Variants in FSIP1 observed in about 807,000 individuals in gnomAD.
FSIP1 encodes the protein fibrous sheath-interacting protein 1.
FSIP1 carries 65 observed loss-of-function variants against 60.9 expected under a neutral mutation model. The observed-to-expected ratio is 1.07, with a 90% CI of 0.87 to 1.31. The LOEUF (loss-of-function observed/expected upper bound fraction) is 1.31, where lower values mean the gene tolerates loss of function less well. Ranked by LOEUF, FSIP1 falls within the 40% of genes most tolerant of loss-of-function variation. FSIP1 has a pLI of 0.00. For synonymous variants in FSIP1, 209 were observed against 221.2 expected (o/e 0.94, Z 0.49); for missense variants, 675 against 665.5 (o/e 1.01, Z -0.16).
chr15:39,650,283 G>A (rs1892811818), intron 10 of FSIP1, among the ~76,000 whole-genome samples: 2 of 152,144 alleles, frequency 1.3e-5, no homozygotes, highest in Admixed American at 6.5e-5. Context: ...CAGTATAATT[G>A]CTGAAATCCC....
rs760012860 is a variant in FSIP1 at position 39,618,191 on chromosome 15, A to T, written c.1243T>A (p.Cys415Ser). 1.9e-6 allele frequency: 3 copies of T among 1,613,568 alleles called. No individual in the cohort carries two copies. In the African/African-American group the frequency reaches 4.0e-5, roughly 22 times the overall value. ...EEQLKCLLDE[C>S]ILKQKSIIKL... ...ATGATGGATTTTTGTTTAAGTATGCATTCATCCAGAAGACACTTTAACTGT... is the reference window on the plus strand; with the variant it reads ...ATGATGGATTTTTGTTTAAGTATGCTTTCATCCAGAAGACACTTTAACTGT... The change falls in exon 11 of 12, where the codon TGC becomes AGC. Residue 415 changes from cysteine to serine, a missense_variant. Coordinates refer to ENST00000350221, the MANE Select transcript of FSIP1 (RefSeq NM_152597.5).
intron 1 of FSIP1, among the ~76,000 whole-genome samples, chr15:39,780,100 A>G (rs1898198226): frequency 2.0e-5 from 3 of 152,344 alleles, no homozygotes; most frequent in Middle Eastern, 3.4e-3. Flanking sequence ...AATTAGTGTT[A>G]ATAGAGACTT....
intron 9 of FSIP1, among the ~76,000 whole-genome samples, chr15:39,721,464 T>C (rs1895976696): frequency 6.6e-6 from 1 of 152,242 alleles, no homozygotes; most frequent in Non-Finnish European, 1.5e-5. Context: ...TGGTGGTTCT[T>C]GTTTCATTGC....
At chr15:39,677,596 A>T (rs75408761) in intron 10 of FSIP1, among the ~76,000 whole-genome samples, 2,471 of 152,346 alleles carry the variant, frequency 0.016, 57 homozygotes, top group African/African-American at 0.056. Flanking sequence ...ACACAAAGAC[A>T]CATATACAGG....
chr15:39,600,724 T>C lies in FSIP1; in HGVS notation c.*156A>G, dbSNP rs1280561054. On this transcript the variant is annotated 3_prime_UTR_variant, in exon 12 of 12. Coordinates refer to ENST00000350221, the MANE Select transcript of FSIP1 (RefSeq NM_152597.5). ...ACAATTACACCCCAAGTCTCAAAAA[T>C]ATCAAGGAAATATAATCCACAAAGA... 3 of 563,118 alleles carry C rather than the reference T, an allele frequency of 5.3e-6. No individual in the cohort carries two copies. The highest frequency in any genetic ancestry group is 9.2e-6 in the Non-Finnish European group (3 of 325,526). 34.9% of individuals were successfully genotyped at this position (563,118 alleles called of 1,614,324 possible).
chr15:39,666,582 C>T (rs561074536), intron 10 of FSIP1, among the ~76,000 whole-genome samples: 1 of 152,100 alleles, frequency 6.6e-6, no homozygotes, highest in Non-Finnish European at 1.5e-5. Context: ...ACAAAATAAC[C>T]AGTTAAATCA....
chr15:39,603,179 A>G (rs1438548601), intron 11 of FSIP1, among the ~76,000 whole-genome samples: 1 of 152,246 alleles, frequency 6.6e-6, no homozygotes, highest in African/African-American at 2.4e-5. Flanking sequence ...AATACACAGG[A>G]GAATCTCATG....
intron 9 of FSIP1, among the ~76,000 whole-genome samples, chr15:39,719,230 G>A (rs1020281668): frequency 6.6e-6 from 1 of 152,176 alleles, no homozygotes; most frequent in African/African-American, 2.4e-5. Context: ...AGTACTATCT[G>A]TCCTCGTGAT....
At chr15:39,703,530 T>C (rs1202872928) in intron 10 of FSIP1, among the ~76,000 whole-genome samples, 2 of 152,214 alleles carry the variant, frequency 1.3e-5, no homozygotes, top group Non-Finnish European at 2.9e-5. Flanking sequence ...ATTTATAAAT[T>C]GATTATAAAT....
chr15:39,767,456 T>C lies in FSIP1; in HGVS notation c.311-1710A>G, dbSNP rs115328331. On this transcript the variant is annotated intron_variant, in intron 3 of 11. Transcript: ENST00000350221. ...AGGAAGGGGACAGGGAAGTGCTGGG[T>C]AGAGAAAGGTAGAGTCCCTGGCGAG... Among the ~76,000 whole-genome samples the C allele has an allele frequency of 5.0e-3, 761 of 152,220 alleles. 7 individuals are homozygous for C. Among genetic ancestry groups the C allele is most frequent in the African/African-American group, 0.018 (737 of 41,536 alleles).
At chr15:39,741,706 T>C in intron 6 of FSIP1, 99 bp downstream of exon 6, 1 of 649,212 alleles carries the variant, frequency 1.5e-6, no homozygotes. Flanking sequence ...CACTTACCTT[T>C]GGATTAAATT....
intron 11 of FSIP1, among the ~76,000 whole-genome samples, chr15:39,606,961 G>C (rs1265033581): frequency 6.6e-6 from 1 of 151,996 alleles, no homozygotes; most frequent in African/African-American, 2.4e-5. Flanking sequence ...TTTTGCTTCG[G>C]AAGTGCCAGT....
downstream of FSIP1, chr15:39,599,511 T>TCCTTC: frequency 6.6e-6 from 1 of 150,704 alleles, no homozygotes; most frequent in African/African-American, 2.5e-5. Flanking sequence ...CCTTTTTCCT[T>TCCTTC]CCTACCCTCC....
At chr15:39,671,110 G>A (rs749796081) in intron 10 of FSIP1, among the ~76,000 whole-genome samples, 7 of 152,116 alleles carry the variant, frequency 4.6e-5, no homozygotes, top group Non-Finnish European at 1.0e-4. Context: ...GAAAATACTT[G>A]TTCATCAAGT....
chr15:39,687,401 G>A (rs1258899504), intron 10 of FSIP1, among the ~76,000 whole-genome samples: 23 of 152,182 alleles, frequency 1.5e-4, no homozygotes, highest in African/African-American at 4.1e-4. Flanking sequence ...TGATCCACCC[G>A]CCTTGGCCTC....
At chr15:39,744,772 C>G (rs1306573365) in intron 5 of FSIP1, among the ~76,000 whole-genome samples, 7 of 107,586 alleles carry the variant, frequency 6.5e-5, no homozygotes, top group Non-Finnish European at 5.6e-5. Context: ...CTCTCTCCCC[C>G]TCAGTCACAC....
At chr15:39,599,081 A>C (rs1890550391), downstream of FSIP1, 1 of 152,134 alleles carries the variant, frequency 6.6e-6, no homozygotes, top group Non-Finnish European at 1.5e-5. Context: ...GCCCGCCACC[A>C]AGCCTGGCTA....
intron 8 of FSIP1, 119 bp downstream of exon 8, chr15:39,737,972 T>C: frequency 6.6e-6 from 4 of 605,060 alleles, no homozygotes; most frequent in Non-Finnish European, 8.2e-6. Flanking sequence ...TTTTTTAAAA[T>C]CAAAGAATAA....
At chr15:39,624,075 G>A (rs1891544894) in intron 10 of FSIP1, among the ~76,000 whole-genome samples, 1 of 152,142 alleles carries the variant, frequency 6.6e-6, no homozygotes, top group South Asian at 2.1e-4. Flanking sequence ...CCTGTGTCAG[G>A]TTCAAGTGTC....
Sources: allele counts gnomAD v4.1 joint callset (sites outside exome capture counted in the v4.1 genomes callset), GRCh38; gene constraint gnomAD v4.1.1; transcripts MANE v1.5; gene names NCBI Gene and HGNC (gene_info 2026-07-23, HGNC 2026-07-21).